Variants in DPF3 observed in about 807,000 individuals in gnomAD.
The protein encoded by DPF3 is double PHD fingers 3.
A neutral mutation model predicts 56.8 loss-of-function variants in DPF3; 18 were observed. The ratio of observed to expected loss-of-function variants is 0.32; its 90% CI spans 0.22 to 0.47. The LOEUF (loss-of-function observed/expected upper bound fraction) is 0.47. Among genes scored for constraint, DPF3 ranks in the 20% least tolerant of loss-of-function variants. DPF3 has a pLI of 1.00. For missense variants in DPF3, 403 were observed against 488.8 expected (o/e 0.82, Z 1.65); for synonymous variants, 188 against 180.2 (o/e 1.04, Z -0.35).
At chr14:72,686,416 G>A (rs1022299326) in intron 7 of DPF3, among the ~76,000 whole-genome samples, 4 of 152,196 alleles carry the variant, frequency 2.6e-5, no homozygotes, top group Admixed American at 1.3e-4. Context: ...TATTACCCCC[G>A]TTTTATAGAT....
intron 2 of DPF3, among the ~76,000 whole-genome samples, chr14:72,770,943 C>T (rs894626120): frequency 1.1e-4 from 17 of 151,254 alleles, no homozygotes; most frequent in Non-Finnish European, 1.8e-4. Context: ...CTATGGGAGG[C>T]CCAGGCAGGC....
rs1884268183 is a variant in DPF3, at chr14:72,619,205, G to A, written c.*92C>T. 13 of 1,285,840 alleles carry A rather than the reference G, an allele frequency of 1.0e-5. No individual in the cohort carries two copies. In the South Asian group the frequency reaches 1.6e-4, roughly 16 times the overall value. 79.7% of individuals were successfully genotyped at this position (1,285,840 alleles called of 1,614,324 possible). A position where few individuals can be genotyped will look rare whatever the true frequency, so the allele number is the denominator to read the frequency against. Reference sequence around the variant, plus strand: ...TATTTCTTTTCCTTGCAGTTGGTCTGGCTGGATATGTGGGAGGAGGGCGCG... The same window carrying A: ...TATTTCTTTTCCTTGCAGTTGGTCTAGCTGGATATGTGGGAGGAGGGCGCG... On this transcript the variant is annotated 3_prime_UTR_variant, in exon 11 of 11. Coordinates refer to ENST00000556509, the MANE Select transcript of DPF3 (RefSeq NM_001280542.3).
chr14:72,844,771 G>A lies in DPF3; in HGVS notation c.32+49286C>T, dbSNP rs142755326. Among the ~76,000 whole-genome samples the A allele has an allele frequency of 2.0e-5, 3 of 152,304 alleles. No homozygotes were observed. In the East Asian group the frequency reaches 5.8e-4, roughly 29 times the overall value. On this transcript the variant is annotated intron_variant, in intron 1 of 10. Coordinates refer to ENST00000556509, the MANE Select transcript of DPF3 (RefSeq NM_001280542.3). ...ACAGACTGTGCATTTGACACTTTGTGATGAACATCTTGGTGCACATATAAT... is the reference window on the plus strand; with the variant it reads ...ACAGACTGTGCATTTGACACTTTGTAATGAACATCTTGGTGCACATATAAT...
chr14:72,768,933 CTGTGTGT>C lies in DPF3; in HGVS notation c.193+2793_193+2799del, dbSNP rs1473243506. 2.3e-3 allele frequency among the ~76,000 whole-genome samples: 342 copies of C among 146,516 alleles called. 1 individual carries two copies. The highest frequency in any genetic ancestry group is 8.4e-3 in the African/African-American group (335 of 39,660). On this transcript the variant is annotated intron_variant, in intron 2 of 10. Transcript: ENST00000556509. ...TTGTTCTGATACTGTGTGTGAGTGT[CTGTGTGT>C]GTGTGTGTGTGTGTGTGTGTGTGTG... is the stretch of plus-strand genomic sequence containing the variant.
Position 72,714,481 on chromosome 14 carries a change from G to C in DPF3, c.546C>G (p.Gly182=). 1 of 1,613,814 alleles carries C rather than the reference G, an allele frequency of 6.2e-7. No homozygotes were observed. The highest frequency in any genetic ancestry group is 8.5e-7 in the Non-Finnish European group (1 of 1,179,778). ...TRGRARGSAG[G]RRRHDAASQE... is the part of the protein sequence containing the mutation. ...GAGAGGCGGCGTCGTGCCTCCTCCT[G>C]CCCCCTGCAGAGCCGCGAGCCTGGG... Residue 182 remains glycine, a synonymous_variant, in exon 6 of 11, where the codon GGC becomes GGG. Transcript: ENST00000556509.
chr14:72,871,528 T>C (rs758417364), intron 1 of DPF3, among the ~76,000 whole-genome samples: 17 of 152,186 alleles, frequency 1.1e-4, no homozygotes, highest in Admixed American at 2.0e-4. Flanking sequence ...CAGTCAAACA[T>C]TAAAGCTTCA....
At chr14:72,635,069 G>C (rs1044936809) in intron 8 of DPF3, among the ~76,000 whole-genome samples, 7 of 152,178 alleles carry the variant, frequency 4.6e-5, no homozygotes, top group Non-Finnish European at 1.0e-4. Flanking sequence ...TCCTGATTCA[G>C]CCCTAACCCT....
intron 2 of DPF3, among the ~76,000 whole-genome samples, chr14:72,758,708 G>C (rs893718478): frequency 8.5e-5 from 13 of 152,196 alleles, no homozygotes; most frequent in Admixed American, 7.9e-4. Flanking sequence ...GTACTGGGTA[G>C]AGTACAGTAG....
At chr14:72,853,622 G>A (rs550231097) in intron 1 of DPF3, among the ~76,000 whole-genome samples, 6 of 151,742 alleles carry the variant, frequency 4.0e-5, no homozygotes, top group Non-Finnish European at 8.8e-5. Flanking sequence ...CTACAGGCGC[G>A]GACCACCATG....
chr14:72,675,456 T>C (rs1299759287), intron 7 of DPF3: 4 of 152,246 alleles, frequency 2.6e-5, no homozygotes, highest in African/African-American at 7.2e-5. Context: ...CCAGACCCAG[T>C]GTCTGCTGCT....
At chr14:72,880,351 G>A (rs1016054151) in intron 1 of DPF3, among the ~76,000 whole-genome samples, 7 of 152,156 alleles carry the variant, frequency 4.6e-5, no homozygotes, top group Non-Finnish European at 7.3e-5. Context: ...CGCCAGATCA[G>A]GCTCAAACTT....
chr14:72,723,985 C>G lies in DPF3; in HGVS notation c.430-257G>C, dbSNP rs1246025143. The G allele has an allele frequency of 1.7e-5, 6 of 351,176 alleles. No homozygotes were observed. The South Asian group carries it at 3.9e-4, about 23-fold the overall frequency. The allele number at this position is 351,176 out of a possible 1,614,324, so 21.8% of individuals were successfully genotyped here. On this transcript the variant is annotated intron_variant, in intron 4 of 10. Coordinates refer to ENST00000556509, the MANE Select transcript of DPF3 (RefSeq NM_001280542.3). ...CTGACCTTTTTCCATTCTTTTTGCC[C>G]AAGAAGAGTTTTCTAACAAGAGACT...
chr14:72,814,519 T>A (rs989066139), intron 1 of DPF3, among the ~76,000 whole-genome samples: 1 of 152,132 alleles, frequency 6.6e-6, no homozygotes, highest in Non-Finnish European at 1.5e-5. Flanking sequence ...ATACCCTAGA[T>A]AAAAATTAAC....
chr14:72,714,637 A>G, intron 5 of DPF3, 136 bp from the exon 6 acceptor site: 1 of 919,804 alleles, frequency 1.1e-6, no homozygotes. Context: ...ACAGGGGAGG[A>G]AACTGAGGCC....
rs1197549849 is a variant in DPF3 at position 72,739,566 on chromosome 14, G to C, written c.302-7632C>G. ...ACTCTAAGACCACCAGATGTGGTGA[G>C]TGAGGCACAGCTAACCCCACCATGG... is the stretch of plus-strand genomic sequence containing the variant. On this transcript the variant is annotated intron_variant, in intron 3 of 10. Coordinates refer to ENST00000556509, the MANE Select transcript of DPF3 (RefSeq NM_001280542.3). 2.0e-5 allele frequency among the ~76,000 whole-genome samples: 3 copies of C among 152,224 alleles called. No homozygotes were observed. The East Asian group carries it at 5.8e-4, about 29-fold the overall frequency.
chr14:72,886,797 A>C (rs557162499), intron 1 of DPF3, among the ~76,000 whole-genome samples: 1 of 152,152 alleles, frequency 6.6e-6, no homozygotes, highest in South Asian at 2.1e-4. Context: ...CCCCACTGAA[A>C]TCTGAGATGT....
At chr14:72,743,451 T>C (rs2139881128) in intron 3 of DPF3, among the ~76,000 whole-genome samples, 1 of 152,142 alleles carries the variant, frequency 6.6e-6, no homozygotes, top group East Asian at 1.9e-4. Context: ...TTTCCCAACC[T>C]CTAAAATGAA....
At chr14:72,694,877 A>G (rs1019418725) in intron 6 of DPF3, among the ~76,000 whole-genome samples, 1 of 152,234 alleles carries the variant, frequency 6.6e-6, no homozygotes, top group Admixed American at 6.5e-5. Context: ...AGCATCTACT[A>G]TAATATGATT....
At chr14:72,847,578 C>G (rs1164021898) in intron 1 of DPF3, among the ~76,000 whole-genome samples, 2 of 152,068 alleles carry the variant, frequency 1.3e-5, no homozygotes, top group African/African-American at 4.8e-5. Context: ...GTGGCTCAAT[C>G]TGGGCTCACT....
Sources: allele counts gnomAD v4.1 joint callset (sites outside exome capture counted in the v4.1 genomes callset), GRCh38; gene constraint gnomAD v4.1.1; transcripts MANE v1.5; gene names NCBI Gene and HGNC (gene_info 2026-07-23, HGNC 2026-07-21).